Variants in NUCB2 observed in about 807,000 individuals in gnomAD.
The protein encoded by NUCB2 is nucleobindin-2.
In NUCB2, 48 loss-of-function variants were observed where a neutral mutation model predicts 57.9. That is an observed-to-expected ratio of 0.83 (90% confidence interval 0.66 to 1.05). The LOEUF is 1.05. Among genes scored for constraint, NUCB2 ranks in the 50% least tolerant of loss-of-function variants. The pLI, the probability that NUCB2 is intolerant of heterozygous loss-of-function variation, is 0.00. For missense variants in NUCB2, 442 were observed against 476.2 expected, an observed-to-expected ratio of 0.93 and a Z score of 0.67; for synonymous variants, 139 against 152.1, an observed-to-expected ratio of 0.91 and a Z score of 0.64.
chr11:17,323,467 T>C (rs1950280302), intron 11 of NUCB2, among the ~76,000 whole-genome samples: 1 of 152,214 alleles, frequency 6.6e-6, no homozygotes, highest in South Asian at 2.1e-4. Flanking sequence ...TTGAACTCAG[T>C]TTGCTATTAT....
In NUCB2 at chr11:17,317,974, C is replaced by CTT. The variant is rs35264082; in HGVS notation, c.1002+2520_1002+2521dup. Among the ~76,000 whole-genome samples the CTT allele has an allele frequency of 4.1e-3, 452 of 109,860 alleles. 3 individuals carry two copies. Among genetic ancestry groups the CTT allele is most frequent in the East Asian group, 0.014 (48 of 3,396 alleles). 72.1% of individuals were successfully genotyped at this position (109,860 alleles called of 152,430 possible). A position where few individuals can be genotyped will look rare whatever the true frequency, so the allele number is the denominator to read the frequency against. ...GCCACTGTGCCTGGAAAGAAGTCAG[C>CTT]TTTTTTTTTTTTTTTTTTTTTTAAT... On this transcript the variant is annotated intron_variant, in intron 11 of 13. Transcript: ENST00000529010.
At chr11:17,319,473 A>G (rs1326664128) in intron 11 of NUCB2, among the ~76,000 whole-genome samples, 1 of 152,182 alleles carries the variant, frequency 6.6e-6, no homozygotes, top group Non-Finnish European at 1.5e-5. Flanking sequence ...TGGGCCCTGG[A>G]TGTTCCCCTT....
At chr11:17,347,331 C>T (rs1053642791) in intron 2 of NUCB2, among the ~76,000 whole-genome samples, 11 of 152,140 alleles carry the variant, frequency 7.2e-5, no homozygotes, top group Middle Eastern at 3.2e-3. Context: ...AGAAACAGGG[C>T]AACAGGAGAC....
At position 17,286,164 on chromosome 11, in the gene NUCB2, T is replaced by C. The variant is rs571109174; in HGVS notation, c.-1+3221T>C. Among the ~76,000 whole-genome samples, 189 of 152,222 alleles carry C rather than the reference T, an allele frequency of 1.2e-3. 1 individual carries two copies. The highest frequency in any genetic ancestry group is 4.4e-3 in the African/African-American group (182 of 41,556). On this transcript the variant is annotated intron_variant, in intron 2 of 13. Coordinates refer to ENST00000529010, the MANE Select transcript of NUCB2 (RefSeq NM_005013.4). ...TCTTCCCACCTCATCCCCCACCAAG[T>C]AGCTGGGACTACAGGCATGTGCCAC...
At chr11:17,345,687 G>A (rs748799850) in intron 2 of NUCB2, among the ~76,000 whole-genome samples, 113 of 152,220 alleles carry the variant, frequency 7.4e-4, no homozygotes, top group Non-Finnish European at 1.3e-3. Flanking sequence ...AGCCTGGGTG[G>A]CAGAGCGACA....
chr11:17,305,451 T>C (rs1947471660), intron 5 of NUCB2, among the ~76,000 whole-genome samples: 1 of 152,132 alleles, frequency 6.6e-6, no homozygotes, highest in Non-Finnish European at 1.5e-5. Flanking sequence ...GAATATTAAA[T>C]TATGTCACTA....
rs535600923 is a variant in NUCB2, at chr11:17,316,059, G to C, written c.1002+584G>C. Among the ~76,000 whole-genome samples, 3 of 152,054 alleles carry C rather than the reference G, an allele frequency of 2.0e-5. No individual in the cohort carries two copies. In the South Asian group the frequency reaches 6.2e-4, roughly 32 times the overall value. ...GCGACCTTGGCTCACTGCAACCTCC[G>C]CCTCCCAGATTCAAGCAATTCTCTG... On this transcript the variant is annotated intron_variant, in intron 11 of 13. Transcript: ENST00000529010.
chr11:17,334,669 TGAGGTTAG>T (rs575416500), downstream of NUCB2, among the ~76,000 whole-genome samples: 1 of 152,316 alleles, frequency 6.6e-6, no homozygotes, highest in South Asian at 2.1e-4. Context: ...GTGGATCACC[TGAGGTTAG>T]GAGTTCCAGA....
intron 2 of NUCB2, among the ~76,000 whole-genome samples, chr11:17,289,501 C>T (rs945519879): frequency 1.3e-5 from 2 of 152,166 alleles, no homozygotes; most frequent in African/African-American, 2.4e-5. Flanking sequence ...TTCAGATACA[C>T]GCTCTCAGAA....
chr11:17,302,936 C>T (rs1039847032), intron 5 of NUCB2, among the ~76,000 whole-genome samples: 3 of 152,110 alleles, frequency 2.0e-5, no homozygotes, highest in Non-Finnish European at 4.4e-5. Context: ...GACGGGGTTT[C>T]ACCATGTTAG....
At chr11:17,341,722 A>G (rs1952282704) in intron 2 of NUCB2, among the ~76,000 whole-genome samples, 1 of 152,122 alleles carries the variant, frequency 6.6e-6, no homozygotes, top group South Asian at 2.1e-4. Context: ...GTTTGCCAGT[A>G]TTTTATTGAG....
In NUCB2 at chr11:17,288,950, CATATAT is replaced by C. The variant is rs1321140779; in HGVS notation, c.-1+6016_-1+6021del. Reference sequence around the variant, plus strand: ...ACACACACACACACACACACACACACATATATATATATATTTTTTTTTTTTGAGATG... The same window carrying C: ...ACACACACACACACACACACACACACATATATATTTTTTTTTTTTGAGATG... On this transcript the variant is annotated intron_variant, in intron 2 of 13. Coordinates refer to ENST00000529010, the MANE Select transcript of NUCB2 (RefSeq NM_005013.4). 1.5e-3 allele frequency among the ~76,000 whole-genome samples: 51 copies of C among 33,156 alleles called. 6 individuals carry two copies. Among genetic ancestry groups the C allele is most frequent in the African/African-American group, 8.6e-3 (36 of 4,166 alleles). The allele number at this position is 33,156 out of a possible 152,430, so 21.8% of individuals were successfully genotyped here.
chr11:17,293,360 CT>C (rs1364675872), intron 2 of NUCB2, among the ~76,000 whole-genome samples: 1 of 151,598 alleles, frequency 6.6e-6, no homozygotes, highest in Non-Finnish European at 1.5e-5. Context: ...TTATGGTAGT[CT>C]TGGCAGGAGA....
intron 5 of NUCB2, among the ~76,000 whole-genome samples, chr11:17,304,833 T>C (rs1947352693): frequency 6.6e-6 from 1 of 152,114 alleles, no homozygotes; most frequent in East Asian, 1.9e-4. Context: ...ACAAAAACTT[T>C]AAAATACTCA....
chr11:17,306,669 C>G (rs926728704), intron 5 of NUCB2, among the ~76,000 whole-genome samples: 1 of 152,126 alleles, frequency 6.6e-6, no homozygotes, highest in Non-Finnish European at 1.5e-5. Flanking sequence ...GTAATCCCAG[C>G]ACTTTGGGAG....
rs370840297 is a variant in NUCB2 at position 17,292,631 on chromosome 11, A to G, written c.1-2693A>G. On this transcript the variant is annotated intron_variant, in intron 2 of 13. Transcript: ENST00000529010. ...ATACTTTTGAGAACCACTCCTGAAA[A>G]GCCAACAAAGGCTTTGGAGTCAGTC... 3.4e-4 allele frequency among the ~76,000 whole-genome samples: 52 copies of G among 152,282 alleles called. 1 individual carries two copies. The South Asian group carries it at 0.011, about 31-fold the overall frequency.
At chr11:17,335,092 A>G (rs1951698121), downstream of NUCB2, among the ~76,000 whole-genome samples, 4 of 152,208 alleles carry the variant, frequency 2.6e-5, no homozygotes, top group South Asian at 8.3e-4. Context: ...AAACCACTCA[A>G]TGTAGTAATA....
At chr11:17,348,319 G>GTTTTTTTTTTTTTTTT (rs55741571) in intron 2 of NUCB2, among the ~76,000 whole-genome samples, 3 of 84,470 alleles carry the variant, frequency 3.6e-5, no homozygotes, top group Non-Finnish European at 6.4e-5. Flanking sequence ...TTGTTTTTGT[G>GTTTTTTTTTTTTTTTT]TTTTTTTTTT....
chr11:17,301,703 G>A (rs757968915), intron 4 of NUCB2, 41 bp from the exon 5 acceptor site: 2 of 1,514,158 alleles, frequency 1.3e-6, no homozygotes, highest in African/African-American at 2.8e-5. Flanking sequence ...TCTAAAAATG[G>A]AATGTAATAG....
Sources: allele counts gnomAD v4.1 joint callset (sites outside exome capture counted in the v4.1 genomes callset), GRCh38; gene constraint gnomAD v4.1.1; transcripts MANE v1.5; gene names NCBI Gene and HGNC (gene_info 2026-07-23, HGNC 2026-07-21).